The following GALNTL6 variants were observed in gnomAD, a reference collection of about 807,000 sequenced individuals.
The protein encoded by GALNTL6 is polypeptide N-acetylgalactosaminyltransferase like 6, also known as polypeptide N-acetylgalactosaminyltransferase-like 6.
GALNTL6 carries 46 observed loss-of-function variants against 73.7 expected under a neutral mutation model. That is an observed-to-expected ratio of 0.62 (90% confidence interval 0.49 to 0.80). The LOEUF is 0.80. Ranked by LOEUF, GALNTL6 falls within the 30% of genes least tolerant of loss-of-function variation. The pLI is 0.00. For synonymous variants in GALNTL6, 259 were observed against 263.7 expected (o/e 0.98, Z 0.17); for missense variants, 604 against 755.0 (o/e 0.80, Z 2.34).
intron 2 of GALNTL6, among the ~76,000 whole-genome samples, chr4:172,075,863 C>T (rs530015668): frequency 6.0e-4 from 91 of 152,182 alleles, no homozygotes; most frequent in African/African-American, 2.1e-3. Context: ...AGTTAATTAT[C>T]CCTAAAATAT....
intron 2 of GALNTL6, among the ~76,000 whole-genome samples, chr4:171,938,961 T>C (rs1384375272): frequency 6.6e-6 from 1 of 152,074 alleles, no homozygotes; most frequent in African/African-American, 2.4e-5. Context: ...TAAAGATAAA[T>C]AAATTATTAG....
At chr4:172,069,473 A>ATG (rs1731449946) in intron 2 of GALNTL6, among the ~76,000 whole-genome samples, 1 of 43,650 alleles carries the variant, frequency 2.3e-5, no homozygotes, top group Non-Finnish European at 6.6e-5. Context: ...TATAACATAT[A>ATG]TGTTATATAT....
intron 5 of GALNTL6, among the ~76,000 whole-genome samples, chr4:172,739,752 T>G (rs1736693773): frequency 6.6e-6 from 1 of 152,112 alleles, no homozygotes; most frequent in Non-Finnish European, 1.5e-5. Flanking sequence ...TATTACATAC[T>G]AAGAATTTTC....
intron 10 of GALNTL6, among the ~76,000 whole-genome samples, chr4:172,984,644 G>A (rs1342436685): frequency 6.6e-6 from 1 of 152,128 alleles, no homozygotes; most frequent in African/African-American, 2.4e-5. Context: ...GGCAAAGCCT[G>A]GGAAACTTCC....
At chr4:172,327,480 T>C (rs1424275205) in intron 4 of GALNTL6, among the ~76,000 whole-genome samples, 3 of 152,106 alleles carry the variant, frequency 2.0e-5, no homozygotes, top group Admixed American at 2.0e-4. Flanking sequence ...CGATCTAATA[T>C]TGTCAGTGTG....
chr4:172,427,688 G>T (rs1184458854), intron 5 of GALNTL6, among the ~76,000 whole-genome samples: 7 of 152,106 alleles, frequency 4.6e-5, no homozygotes, highest in Admixed American at 4.6e-4. Context: ...TATTAATTAG[G>T]TTAAAGTCCC....
chr4:171,836,808 G>A (rs1366132201), intron 2 of GALNTL6, among the ~76,000 whole-genome samples: 1 of 151,980 alleles, frequency 6.6e-6, no homozygotes, highest in Non-Finnish European at 1.5e-5. Context: ...CAAGCAAATA[G>A]ATCAAATAAG....
chr4:172,167,382 G>A (rs574109941), intron 2 of GALNTL6, among the ~76,000 whole-genome samples: 10 of 152,266 alleles, frequency 6.6e-5, no homozygotes, highest in African/African-American at 2.4e-4. Context: ...GGGCAAAAAT[G>A]TTGTGTCATG....
intron 3 of GALNTL6, among the ~76,000 whole-genome samples, chr4:172,302,025 A>T (rs1454143297): frequency 1.3e-4 from 20 of 152,212 alleles, no homozygotes. Flanking sequence ...ACCCAGTTCA[A>T]GATTCCCAGC....
At chr4:171,860,010 T>A (rs776745433) in intron 2 of GALNTL6, among the ~76,000 whole-genome samples, 25 of 152,188 alleles carry the variant, frequency 1.6e-4, no homozygotes, top group Non-Finnish European at 3.7e-4. Flanking sequence ...CAAAATTCAG[T>A]CCTGAAGACA....
Position 172,052,657 on chromosome 4 carries a change from G to C in GALNTL6, c.139-176999G>C, listed in dbSNP as rs1335636522. The stretch of plus-strand genomic sequence containing the variant: ...AGTCTCACCATCATCTCTTTCTTTT[G>C]TGATCACTTTTGCCCAGGGTAGACA... On this transcript the variant is annotated intron_variant, in intron 2 of 12. Transcript: ENST00000506823. 1.4e-5 allele frequency: 8 copies of C among 575,416 alleles called. No individual in the cohort carries two copies. The East Asian group carries it at 2.4e-4, about 17-fold the overall frequency. The allele number at this position is 575,416 out of a possible 1,614,324, so 35.6% of individuals were successfully genotyped here.
chr4:172,205,497 T>A (rs1736080423), intron 2 of GALNTL6, among the ~76,000 whole-genome samples: 1 of 152,176 alleles, frequency 6.6e-6, no homozygotes, highest in African/African-American at 2.4e-5. Flanking sequence ...GTCTTTGAAA[T>A]GACATCTTGG....
At chr4:173,014,974 G>A (rs1752716976) in intron 11 of GALNTL6, among the ~76,000 whole-genome samples, 2 of 152,308 alleles carry the variant, frequency 1.3e-5, no homozygotes, top group South Asian at 2.1e-4. Context: ...ATTTAATCAT[G>A]AGGGCAGTTA....
chr4:172,566,251 A>C (rs77304497), intron 5 of GALNTL6, among the ~76,000 whole-genome samples: 1 of 152,172 alleles, frequency 6.6e-6, no homozygotes, highest in East Asian at 1.9e-4. Flanking sequence ...ATTCTTCTCA[A>C]AGGCACACAG....
At chr4:172,850,369 T>A (rs78765987) in intron 7 of GALNTL6, among the ~76,000 whole-genome samples, 1 of 152,150 alleles carries the variant, frequency 6.6e-6, no homozygotes. Context: ...TAGAGCAGGA[T>A]AACTATGGAT....
intron 4 of GALNTL6, among the ~76,000 whole-genome samples, chr4:172,320,719 A>C (rs1740728823): frequency 6.6e-6 from 1 of 152,008 alleles, no homozygotes; most frequent in Non-Finnish European, 1.5e-5. Context: ...ATCCCAGGGC[A>C]CTGTTAAAAA....
intron 5 of GALNTL6, among the ~76,000 whole-genome samples, chr4:172,498,495 T>C (rs1734149438): frequency 6.6e-6 from 1 of 152,224 alleles, no homozygotes; most frequent in African/African-American, 2.4e-5. Flanking sequence ...GTAATTTTTA[T>C]ATGTATGTTA....
intron 2 of GALNTL6, among the ~76,000 whole-genome samples, chr4:171,819,849 A>T (rs551493): frequency 6.6e-6 from 1 of 152,114 alleles, no homozygotes; most frequent in African/African-American, 2.4e-5. Flanking sequence ...TGGAAACATC[A>T]GATCTTTAAA....
At chr4:171,994,687 G>C (rs1740435232) in intron 2 of GALNTL6, among the ~76,000 whole-genome samples, 1 of 151,574 alleles carries the variant, frequency 6.6e-6, no homozygotes, top group Non-Finnish European at 1.5e-5. Flanking sequence ...AACAGTTGTT[G>C]GTTTTGTTGC....
Sources: allele counts gnomAD v4.1 joint callset (sites outside exome capture counted in the v4.1 genomes callset), GRCh38; gene constraint gnomAD v4.1.1; transcripts MANE v1.5; gene names NCBI Gene and HGNC (gene_info 2026-07-23, HGNC 2026-07-21).